The following GLS variants were observed in gnomAD, a reference collection of about 807,000 sequenced individuals.
GLS encodes glutaminase kidney isoform, mitochondrial.
GLS carries 36 observed loss-of-function variants against 86.7 expected under a neutral mutation model. The observed-to-expected ratio is 0.42, with a 90% CI of 0.32 to 0.55. The LOEUF (loss-of-function observed/expected upper bound fraction) is 0.55. Among genes scored for constraint, GLS ranks in the 20% least tolerant of loss-of-function variants. The probability of loss-of-function intolerance (pLI) is 0.17; values close to 1 mark genes in which losing one functional copy is unlikely to be tolerated. For synonymous variants in GLS, 317 were observed against 305.9 expected (o/e 1.04, Z -0.38); for missense variants, 528 against 833.4 (o/e 0.63, Z 4.51).
rs150662461 is a variant in GLS at position 190,897,031 on chromosome 2, C to T, written c.605+1306C>T. 5.5e-3 allele frequency among the ~76,000 whole-genome samples: 842 copies of T among 151,888 alleles called. 12 individuals are homozygous for T. Among genetic ancestry groups the T allele is most frequent in the African/African-American group, 0.018 (740 of 41,434 alleles). On this transcript the variant is annotated intron_variant, in intron 3 of 17. Coordinates refer to ENST00000320717, the MANE Select transcript of GLS (RefSeq NM_014905.5). The surrounding 1 kb of genome is among the most constrained non-coding windows in gnomAD (Gnocchi z 4.3). ...AATTTTAAGTGGAAGCAGTATTTTA[C>T]ACTTTTTTTTTTTAAGAGACAGAGT...
At chr2:190,959,072 C>G (rs576087646) in intron 17 of GLS, among the ~76,000 whole-genome samples, 63 of 152,198 alleles carry the variant, frequency 4.1e-4, no homozygotes, top group African/African-American at 1.4e-3. Flanking sequence ...TTGTAGGTCT[C>G]TAAGAACTTG....
chr2:190,896,125 T>G (rs1234174521), intron 3 of GLS: 1 of 154,854 alleles, frequency 6.5e-6, no homozygotes, highest in East Asian at 1.9e-4. Context: ...TGAGAGGGCT[T>G]CAGACAGACC....
Position 190,930,216 on chromosome 2 carries a change from A to G in GLS, c.1426-221A>G, listed in dbSNP as rs1334646277. On this transcript the variant is annotated intron_variant, in intron 12 of 17. Coordinates refer to ENST00000320717, the MANE Select transcript of GLS (RefSeq NM_014905.5). This position sits in a 1 kb window ranked among gnomAD's most constrained non-coding sequence, Gnocchi z 5.0. The stretch of plus-strand genomic sequence containing the variant: ...AGAGTAGCTGTGACTACTGGTGTGC[A>G]CTTCCATGTCTCACTGTTTTTTGTA... 1.3e-5 allele frequency among the ~76,000 whole-genome samples: 2 copies of G among 151,676 alleles called. No individual in the cohort carries two copies. Among genetic ancestry groups the G allele is most frequent in the African/African-American group, 4.8e-5 (2 of 41,274 alleles).
intron 6 of GLS, among the ~76,000 whole-genome samples, chr2:190,906,931 G>GTTTT (rs1347731167): frequency 7.1e-6 from 1 of 140,038 alleles, no homozygotes; most frequent in African/African-American, 2.6e-5. Flanking sequence ...AATTGTAGTA[G>GTTTT]TTTTTTTTTT....
intron 7 of GLS, among the ~76,000 whole-genome samples, chr2:190,919,295 G>T (rs1024418304): frequency 1.3e-5 from 2 of 152,056 alleles, no homozygotes; most frequent in Non-Finnish European, 2.9e-5. Context: ...TAAAAACAAC[G>T]TTAAGAGCAA....
rs116355176 is a variant in GLS, at chr2:190,951,694, G to A, written c.1651-1871G>A. 3.1e-3 allele frequency among the ~76,000 whole-genome samples: 471 copies of A among 152,012 alleles called. 4 individuals are homozygous for A. The highest frequency in any genetic ancestry group is 0.011 in the African/African-American group (444 of 41,472). ...TAAAGGCCTGAAGAAAGTATGGCGGGAACCAACAAGAAAAAAAAATTGTCA... is the reference window on the plus strand; with the variant it reads ...TAAAGGCCTGAAGAAAGTATGGCGGAAACCAACAAGAAAAAAAAATTGTCA... On this transcript the variant is annotated intron_variant, in intron 14 of 17. Transcript: ENST00000320717. This position sits in a 1 kb window ranked among gnomAD's most constrained non-coding sequence, Gnocchi z 4.2.
intron 7 of GLS, among the ~76,000 whole-genome samples, chr2:190,917,942 T>C (rs747737450): frequency 2.0e-5 from 3 of 152,104 alleles, no homozygotes; most frequent in Non-Finnish European, 4.4e-5. Flanking sequence ...ACAAAATCTT[T>C]TTGAGCCGTA....
At position 190,895,138 on chromosome 2, in the gene GLS, T is replaced by A; in HGVS notation, c.387-14T>A. Reference sequence around the variant, plus strand: ...CATACAAGGATTAATTTTGTGTTCTTTCTACCTCTTTAGTAAAATAAAACA... The same window carrying A: ...CATACAAGGATTAATTTTGTGTTCTATCTACCTCTTTAGTAAAATAAAACA... On this transcript the variant is annotated splice_polypyrimidine_tract_variant and intron_variant, in intron 1 of 17. Coordinates refer to ENST00000320717, the MANE Select transcript of GLS (RefSeq NM_014905.5). The surrounding 1 kb of genome is among the most constrained non-coding windows in gnomAD (Gnocchi z 4.2). The A allele has an allele frequency of 8.6e-7, 1 of 1,156,586 alleles. No homozygotes were observed. The highest frequency in any genetic ancestry group is 1.3e-6 in the Non-Finnish European group (1 of 778,392). 71.6% of individuals were successfully genotyped at this position (1,156,586 alleles called of 1,614,324 possible). A position where few individuals can be genotyped will look rare whatever the true frequency, so the allele number is the denominator to read the frequency against.
intron 3 of GLS, chr2:190,896,309 G>A (rs1688738582): frequency 6.6e-6 from 1 of 152,122 alleles, no homozygotes. Flanking sequence ...TGATGTTCCT[G>A]TATTTGCATA....
At position 190,924,087 on chromosome 2, in the gene GLS, A is replaced by C; in HGVS notation, c.1197+104A>C. The C allele has an allele frequency of 1.5e-6, 1 of 670,248 alleles. No individual in the cohort carries two copies. The highest frequency in any genetic ancestry group is 2.8e-5 in the East Asian group (1 of 36,046). 41.5% of individuals were successfully genotyped at this position (670,248 alleles called of 1,614,324 possible). A position where few individuals can be genotyped will look rare whatever the true frequency, so the allele number is the denominator to read the frequency against. ...AATAGCCTTTAAGCAACTACCTATT[A>C]CTATTTAAGGTGCAGAAGTTTTTGC... On this transcript the variant is annotated intron_variant, in intron 10 of 17. Coordinates refer to ENST00000320717, the MANE Select transcript of GLS (RefSeq NM_014905.5). The surrounding 1 kb of genome is among the most constrained non-coding windows in gnomAD (Gnocchi z 5.2).
At position 190,881,284 on chromosome 2, in the gene GLS, C is replaced by T. The variant is rs915505843; in HGVS notation, c.200C>T (p.Pro67Leu). The stretch of plus-strand genomic sequence containing the variant: ...GGCGGGGGCGGCTGGCCGGCGGAGC[C>T]CCTCGCGCGGGGCCTGTCCAGCTCT... ...WWGGGGWPAE[P>L]LARGLSSSPS... Residue 67 changes from proline (P) to leucine (L), a missense_variant, in exon 1 of 18, where the codon CCC (proline) becomes CTC (leucine). Pro to Leu is a moderately conservative substitution (Grantham distance 98). Around this residue, in one of 4 missense-constraint regions of GLS, gnomAD observed 224 missense variants for 187.9 expected, o/e 1.19. Transcript: ENST00000320717. The T allele has an allele frequency of 3.7e-6, 5 of 1,339,264 alleles. No individual in the cohort carries two copies. The highest frequency in any genetic ancestry group is 3.1e-5 in the East Asian group (1 of 32,094). 83.0% of individuals were successfully genotyped at this position (1,339,264 alleles called of 1,614,324 possible). A position where few individuals can be genotyped will look rare whatever the true frequency, so the allele number is the denominator to read the frequency against.
At chr2:190,950,519 C>T (rs1050327049) in intron 14 of GLS, among the ~76,000 whole-genome samples, 1 of 152,226 alleles carries the variant, frequency 6.6e-6, no homozygotes, top group Admixed American at 6.5e-5. Context: ...TCAAGGACTA[C>T]CCCCCATGGT....
intron 1 of GLS, among the ~76,000 whole-genome samples, chr2:190,886,836 A>C (rs1688397314): frequency 6.6e-6 from 1 of 151,558 alleles, no homozygotes; most frequent in African/African-American, 2.4e-5. Flanking sequence ...GAATCGCTTG[A>C]ACCCAGGAGG....
chr2:190,926,822 C>T (rs943711868), intron 11 of GLS, among the ~76,000 whole-genome samples: 2 of 152,112 alleles, frequency 1.3e-5, no homozygotes, highest in East Asian at 1.9e-4. Flanking sequence ...ATGGGGATGC[C>T]GAACTTTGTT....
intron 14 of GLS, chr2:190,933,345 CA>C (rs1399248001): frequency 2.2e-6 from 2 of 891,292 alleles, no homozygotes; most frequent in Non-Finnish European, 2.7e-6. Flanking sequence ...TAATGAACCC[CA>C]AATTATTTTA....
In GLS at chr2:190,924,059, A is replaced by G. The variant is rs1019679986; in HGVS notation, c.1197+76A>G. On this transcript the variant is annotated intron_variant, in intron 10 of 17. Transcript: ENST00000320717. The surrounding 1 kb of genome is among the most constrained non-coding windows in gnomAD (Gnocchi z 5.2). Reference sequence around the variant, plus strand: ...ACATGAAGATGTATGCTAAGAATTCAACAATAGCCTTTAAGCAACTACCTA... The same window carrying G: ...ACATGAAGATGTATGCTAAGAATTCGACAATAGCCTTTAAGCAACTACCTA... 1.4e-5 allele frequency: 11 copies of G among 803,190 alleles called. No homozygotes were observed. In the Admixed American group the frequency reaches 2.0e-4, roughly 15 times the overall value. 49.8% of individuals were successfully genotyped at this position (803,190 alleles called of 1,614,324 possible). A position where few individuals can be genotyped will look rare whatever the true frequency, so the allele number is the denominator to read the frequency against.
chr2:190,888,605 A>C (rs1033753659), intron 1 of GLS, among the ~76,000 whole-genome samples: 6 of 152,202 alleles, frequency 3.9e-5, no homozygotes, highest in African/African-American at 1.4e-4. Context: ...AAATAGCTGC[A>C]AACAATAGGT....
chr2:190,942,412 A>C (rs1268192222), intron 14 of GLS, among the ~76,000 whole-genome samples: 3 of 152,112 alleles, frequency 2.0e-5, no homozygotes, highest in Non-Finnish European at 4.4e-5. Flanking sequence ...AGGGGAGAGA[A>C]TGATTTGGTT....
rs2124824624 is a variant in GLS at position 190,895,611 on chromosome 2, A to G, written c.491A>G (p.Lys164Arg). The change falls in exon 3 of 18, where the codon AAA becomes AGA. Residue 164 changes from lysine (K) to arginine (R), a missense_variant. Lys to Arg is a conservative substitution (Grantham distance 26). Around this residue, in one of 4 missense-constraint regions of GLS, gnomAD observed 111 missense variants for 179.5 expected, o/e 0.62. Transcript: ENST00000320717. This position sits in a 1 kb window ranked among gnomAD's most constrained non-coding sequence, Gnocchi z 4.2. ...IPVHKFITAL[K>R]STGLRTSDPR... ...TTATTTTTTTAAAAACAGGCACTCA[A>G]ATCTACAGGATTGCGAACGTCTGAT... 2 of 1,597,244 alleles carry G rather than the reference A, an allele frequency of 1.3e-6. No individual in the cohort carries two copies. The highest frequency in any genetic ancestry group is 1.7e-6 in the Non-Finnish European group (2 of 1,168,422).
Sources: gnomAD v4.1 joint callset for allele counts (sites outside exome capture counted in the v4.1 genomes callset) on GRCh38, gnomAD v4.1.1 for gene constraint, gnomAD v4.1.1 regional missense constraint, Gnocchi (gnomAD v3.1) non-coding constraint, MANE v1.5 for transcripts, NCBI Gene and HGNC (gene_info 2026-07-23, HGNC 2026-07-21) for gene names.